The following MLC1 variants were observed in gnomAD, a reference collection of about 807,000 sequenced individuals.
MLC1 encodes the protein modulator of VRAC current 1.
A neutral mutation model predicts 44.7 loss-of-function variants in MLC1; 32 were observed. That is an observed-to-expected ratio of 0.72 (90% CI 0.54 to 0.96). The LOEUF (loss-of-function observed/expected upper bound fraction) is 0.96, where lower values mean the gene tolerates loss of function less well. MLC1 is among the 40% of genes least tolerant of loss of function. The probability of loss-of-function intolerance (pLI) is 0.00; values close to 1 mark genes in which losing one functional copy is unlikely to be tolerated. For synonymous variants in MLC1, 190 were observed against 213.0 expected (o/e 0.89, Z 0.94); for missense variants, 459 against 492.2 (o/e 0.93, Z 0.64).
chr22:50,066,659 TAA>T (rs201958391), intron 10 of MLC1, among the ~76,000 whole-genome samples: 2 of 143,412 alleles, frequency 1.4e-5, no homozygotes, highest in Admixed American at 7.0e-5. Flanking sequence ...GACTCTATCT[TAA>T]AAAAAAAAAA....
intron 2 of MLC1, 35 bp downstream of exon 2, chr22:50,084,691 G>A (rs201208853): frequency 2.5e-5 from 41 of 1,608,680 alleles, no homozygotes; most frequent in Middle Eastern, 1.8e-4. Flanking sequence ...CCAGATGCTC[G>A]TGGCCCTCCA....
chr22:50,062,748 G>T (rs1425008193), intron 11 of MLC1, among the ~76,000 whole-genome samples: 3 of 152,240 alleles, frequency 2.0e-5, no homozygotes, highest in Non-Finnish European at 4.4e-5. Flanking sequence ...CCCGCTGAGT[G>T]GCTGCCCAGG....
Position 50,074,293 on chromosome 22 carries a change from C to A in MLC1, c.637G>T (p.Gly213Trp). 6.2e-7 allele frequency: 1 copy of A among 1,614,144 alleles called. No individual in the cohort carries two copies. Among genetic ancestry groups the A allele is most frequent in the Non-Finnish European group, 8.5e-7 (1 of 1,180,034 alleles). ...VIAGISAVLGGIIALNVDDSV... is the reference protein window; with the variant it reads ...VIAGISAVLGWIIALNVDDSV... ...TCATCCACGTTCAGGGCAATGATCC[C>A]CCCGAGGACGGCAGAGATGCCTGCG... The change falls in exon 8 of 12, where the codon GGG becomes TGG. Residue 213 changes from glycine to tryptophan, a missense_variant. Coordinates refer to ENST00000311597, the MANE Select transcript of MLC1 (RefSeq NM_015166.4).
chr22:50,082,376 T>C (rs2062168197), intron 3 of MLC1, among the ~76,000 whole-genome samples: 1 of 152,228 alleles, frequency 6.6e-6, no homozygotes, highest in Non-Finnish European at 1.5e-5. Context: ...ACAGCGGTTG[T>C]CTGTCCTCCC....
Position 50,083,007 on chromosome 22 carries a change from C to A in MLC1, c.267+77G>T. 2 of 1,401,472 alleles carry A rather than the reference C, an allele frequency of 1.4e-6. No homozygotes were observed. Among genetic ancestry groups the A allele is most frequent in the Non-Finnish European group, 2.0e-6 (2 of 989,370 alleles). 86.8% of individuals were successfully genotyped at this position (1,401,472 alleles called of 1,614,324 possible). On this transcript the variant is annotated intron_variant, in intron 3 of 11. Transcript: ENST00000311597. This position sits in a 1 kb window ranked among gnomAD's most constrained non-coding sequence, Gnocchi z 4.6. ...ATGAGGTACAGGTGACAGAAACCTG[C>A]ACATCTCAGAACAAAGAAACCAGAG...
At chr22:50,082,238 G>A (rs1251249137) in intron 3 of MLC1, among the ~76,000 whole-genome samples, 32 of 105,086 alleles carry the variant, frequency 3.0e-4, no homozygotes, top group African/African-American at 9.3e-4. Flanking sequence ...CATGGGGTGC[G>A]CGGCTTGCGG....
In MLC1 at chr22:50,076,901, A is replaced by C. The variant is rs141964804; in HGVS notation, c.537T>G (p.Ser179=). The C allele has an allele frequency of 1.6e-5, 26 of 1,613,968 alleles. No individual in the cohort carries two copies. In the Middle Eastern group the frequency reaches 5.0e-4, roughly 31 times the overall value. Residue 179 remains serine, a synonymous_variant, in exon 7 of 12, where the codon TCT becomes TCG. Transcript: ENST00000311597. The part of the protein sequence containing the change: ...EDCKKKKGSM[S]DSANILDEVP... ...CTTCGTCCAGAATGTTGGCGCTGTC[A>C]GACATGGAGCCCTACGAAGAAACAG...
chr22:50,082,385 C>T (rs1251310670), intron 3 of MLC1, among the ~76,000 whole-genome samples: 1 of 152,206 alleles, frequency 6.6e-6, no homozygotes, highest in Non-Finnish European at 1.5e-5. Context: ...GTCTGTCCTC[C>T]CTTGCTCTGA....
At chr22:50,074,959 G>T (rs113211226) in intron 7 of MLC1, among the ~76,000 whole-genome samples, 3 of 152,246 alleles carry the variant, frequency 2.0e-5, no homozygotes, top group African/African-American at 4.8e-5. Flanking sequence ...GGCACCTGCC[G>T]GTTGGAGAGC....
Position 50,061,307 on chromosome 22 carries a change from G to A in MLC1, c.*276C>T. The A allele has an allele frequency of 7.7e-6, 4 of 517,160 alleles. No individual in the cohort carries two copies. The highest frequency in any genetic ancestry group is 6.3e-5 in the Admixed American group (2 of 31,584). 32.0% of individuals were successfully genotyped at this position (517,160 alleles called of 1,614,324 possible). On this transcript the variant is annotated 3_prime_UTR_variant, in exon 12 of 12. Coordinates refer to ENST00000311597, the MANE Select transcript of MLC1 (RefSeq NM_015166.4). ...GGGCTCTCAAGAGGCCGAGCCGGGG[G>A]CCCTTCCTCGGCCTGGGAAGTTGCG... is the stretch of plus-strand genomic sequence containing the variant.
chr22:50,065,907 G>A (rs1040756481), intron 10 of MLC1, among the ~76,000 whole-genome samples: 6 of 152,222 alleles, frequency 3.9e-5, no homozygotes, highest in Admixed American at 1.3e-4. Context: ...AGTAGCAGAC[G>A]GTTGGAAATA....
At chr22:50,085,813 G>C (rs913308668), upstream of MLC1, 1 of 74,340 alleles carries the variant, frequency 1.3e-5, no homozygotes, top group African/African-American at 3.8e-5. Flanking sequence ...ACTCGGCTTA[G>C]CTGTGTGGCC....
At chr22:50,069,161 G>A (rs1440502079) in intron 9 of MLC1, among the ~76,000 whole-genome samples, 1 of 151,744 alleles carries the variant, frequency 6.6e-6, no homozygotes, top group Non-Finnish European at 1.5e-5. Flanking sequence ...TGAGTAGCTG[G>A]GATTACAGAC....
intron 11 of MLC1, among the ~76,000 whole-genome samples, chr22:50,063,725 G>T (rs1166976185): frequency 5.5e-5 from 7 of 127,744 alleles, no homozygotes; most frequent in African/African-American, 2.1e-4. Flanking sequence ...ACCCCTGTGG[G>T]CCACTCACCT....
Position 50,076,828 on chromosome 22 carries a change from G to A in MLC1, c.597+13C>T, listed in dbSNP as rs1387957369. ...AGTATGAGAGAAAAGAGAAAGAAGG[G>A]AAGTTTTCTTACTGAGTAAGATTTC... On this transcript the variant is annotated intron_variant, in intron 7 of 11. Transcript: ENST00000311597. The A allele has an allele frequency of 6.2e-7, 1 of 1,612,368 alleles. No individual in the cohort carries two copies. Among genetic ancestry groups the A allele is most frequent in the Non-Finnish European group, 8.5e-7 (1 of 1,178,550 alleles).
At position 50,080,041 on chromosome 22, in the gene MLC1, G is replaced by A. The variant is rs1303410321; in HGVS notation, c.322-22C>T. 4 of 1,562,038 alleles carry A rather than the reference G, an allele frequency of 2.6e-6. No individual in the cohort carries two copies. In the South Asian group the frequency reaches 3.3e-5, roughly 13 times the overall value. On this transcript the variant is annotated intron_variant, in intron 4 of 11. Coordinates refer to ENST00000311597, the MANE Select transcript of MLC1 (RefSeq NM_015166.4). The stretch of plus-strand genomic sequence containing the variant: ...GAATCTGAAAAACAAGGCAGGAGGG[G>A]TTTTCCTTCTTTGAATAATAAAAGA...
At chr22:50,066,973 G>A (rs1209818540) in intron 10 of MLC1, among the ~76,000 whole-genome samples, 2 of 152,198 alleles carry the variant, frequency 1.3e-5, no homozygotes, top group Non-Finnish European at 2.9e-5. Flanking sequence ...GACTTCGATG[G>A]CGTGTGGCCG....
At chr22:50,064,439 C>G (rs1056270644) in intron 10 of MLC1, among the ~76,000 whole-genome samples, 7 of 152,204 alleles carry the variant, frequency 4.6e-5, no homozygotes, top group African/African-American at 1.7e-4. Context: ...TAAAAGTGAC[C>G]GAGCCACTGC....
intron 9 of MLC1, among the ~76,000 whole-genome samples, chr22:50,070,017 C>T (rs974610085): frequency 6.6e-6 from 1 of 152,094 alleles, no homozygotes; most frequent in African/African-American, 2.4e-5. Context: ...GCCTGGCCAA[C>T]ATGGTGAAAC....
Sources: gnomAD v4.1 joint callset for allele counts (sites outside exome capture counted in the v4.1 genomes callset) on GRCh38, gnomAD v4.1.1 for gene constraint, Gnocchi (gnomAD v3.1) non-coding constraint, MANE v1.5 for transcripts, NCBI Gene and HGNC (gene_info 2026-07-23, HGNC 2026-07-21) for gene names.